IFT74: variants seen among roughly 807,000 people sequenced by gnomAD.
IFT74 encodes intraflagellar transport protein 74 homolog.
Under a neutral mutation model 96.7 loss-of-function variants are expected in IFT74, and 92 were observed. The observed-to-expected ratio is 0.95, with a 90% CI of 0.80 to 1.13. The LOEUF (loss-of-function observed/expected upper bound fraction) is 1.13. IFT74 is among the 50% of genes most tolerant of loss of function. IFT74 has a pLI of 0.00. For synonymous variants in IFT74, 223 were observed against 213.2 expected (o/e 1.05, Z -0.40); for missense variants, 811 against 698.2 (o/e 1.16, Z -1.82).
At chr9:26,982,413 AT>A in intron 4 of IFT74, 1 of 415,760 alleles carries the variant, frequency 2.4e-6, no homozygotes, top group South Asian at 1.7e-5. Flanking sequence ...AGTAGCTGGG[AT>A]TACGGGTGCC....
intron 8 of IFT74, among the ~76,000 whole-genome samples, chr9:26,996,029 T>G (rs922154492): frequency 6.6e-6 from 1 of 152,202 alleles, no homozygotes; most frequent in African/African-American, 2.4e-5. Flanking sequence ...TGTTTGCAAT[T>G]TTGTTACCCT....
intron 8 of IFT74, among the ~76,000 whole-genome samples, chr9:27,000,354 C>T (rs1338529752): frequency 1.3e-5 from 2 of 152,042 alleles, no homozygotes; most frequent in Non-Finnish European, 2.9e-5. Context: ...TATATTTATG[C>T]ATGTTTAAGT....
intron 12 of IFT74, among the ~76,000 whole-genome samples, chr9:27,025,220 G>A (rs532933027): frequency 8.6e-5 from 13 of 151,924 alleles, no homozygotes; most frequent in East Asian, 1.9e-4. Flanking sequence ...CGAGGTGGGC[G>A]GAACATGAGG....
At chr9:27,011,457 T>C (rs1191392339) in intron 9 of IFT74, among the ~76,000 whole-genome samples, 1 of 148,812 alleles carries the variant, frequency 6.7e-6, no homozygotes, top group East Asian at 1.9e-4. Context: ...GCATGTGTTA[T>C]ATGTGTGTGT....
intron 13 of IFT74, among the ~76,000 whole-genome samples, chr9:27,037,400 A>G (rs1018476419): frequency 3.3e-5 from 5 of 152,170 alleles, no homozygotes; most frequent in Non-Finnish European, 5.9e-5. Flanking sequence ...TAAGGATAGT[A>G]AGGGATGACT....
chr9:26,963,421 G>A (rs925720610), intron 2 of IFT74, among the ~76,000 whole-genome samples: 20 of 150,096 alleles, frequency 1.3e-4, no homozygotes, highest in South Asian at 4.3e-4. Flanking sequence ...ATAAACATAC[G>A]TGTGCATGTG....
chr9:26,997,786 G>A (rs776645748), intron 8 of IFT74: 1 of 1,613,932 alleles, frequency 6.2e-7, no homozygotes, highest in East Asian at 2.2e-5. Flanking sequence ...TGCAAGAGCA[G>A]TTCCATAGGT....
At chr9:27,018,045 G>A (rs539215858) in intron 11 of IFT74, among the ~76,000 whole-genome samples, 119 of 152,270 alleles carry the variant, frequency 7.8e-4, no homozygotes, top group African/African-American at 2.5e-3. Flanking sequence ...TCTAGAACCT[G>A]TGTAGTTCCT....
At chr9:26,984,105 G>A (rs1348551356) in intron 4 of IFT74, 152 bp from the exon 5 acceptor site, 1 of 592,632 alleles carries the variant, frequency 1.7e-6, no homozygotes, top group Non-Finnish European at 2.7e-6. Flanking sequence ...CATTCTTAAT[G>A]AAATAAGCCA....
At chr9:27,052,528 A>T (rs1372795588) in intron 16 of IFT74, among the ~76,000 whole-genome samples, 1 of 151,510 alleles carries the variant, frequency 6.6e-6, no homozygotes, top group Non-Finnish European at 1.5e-5. Flanking sequence ...AAAAAAAAAA[A>T]AAGTAGTCAT....
At chr9:27,059,991 A>G (rs1206603733) in intron 18 of IFT74, among the ~76,000 whole-genome samples, 1 of 152,232 alleles carries the variant, frequency 6.6e-6, no homozygotes, top group Non-Finnish European at 1.5e-5. Flanking sequence ...ATATAATTCT[A>G]TAACAGTAAA....
chr9:27,063,626 A>T lies in IFT74; in HGVS notation c.*890A>T, dbSNP rs1820520173. On this transcript the variant is annotated 3_prime_UTR_variant, in exon 20 of 20. Transcript: ENST00000380062. ...CCAGCATAAAATATTACTTAAAACTATCCTGTTTTTGCTCTGATATCATGT... is the reference window on the plus strand; with the variant it reads ...CCAGCATAAAATATTACTTAAAACTTTCCTGTTTTTGCTCTGATATCATGT... Among the ~76,000 whole-genome samples, 2 of 152,040 alleles carry T rather than the reference A, an allele frequency of 1.3e-5. No homozygotes were observed. Among genetic ancestry groups the T allele is most frequent in the Admixed American group, 1.3e-4 (2 of 15,266 alleles).
At chr9:27,052,905 C>T (rs1468571037) in intron 16 of IFT74, among the ~76,000 whole-genome samples, 1 of 152,186 alleles carries the variant, frequency 6.6e-6, no homozygotes, top group East Asian at 1.9e-4. Context: ...CACTGTCGCC[C>T]AGGCTGGAGT....
chr9:26,965,294 G>A (rs966165021), intron 2 of IFT74, among the ~76,000 whole-genome samples: 1 of 152,102 alleles, frequency 6.6e-6, no homozygotes, highest in Non-Finnish European at 1.5e-5. Context: ...GGTGCAGAGG[G>A]CCAATACTCA....
At position 27,062,667 on chromosome 9, in the gene IFT74, T is replaced by A; in HGVS notation, c.1734T>A (p.Asn578Lys). 2.5e-6 allele frequency: 4 copies of A among 1,610,314 alleles called. No individual in the cohort carries two copies. The highest frequency in any genetic ancestry group is 3.4e-6 in the Non-Finnish European group (4 of 1,178,338). ...GTGATTACCAGCCAATTAAGAAAAA[T>A]GTGACCAAGCAGATTGCAGAGTACA... ...QESDYQPIKK[N>K]VTKQIAEYNK... Residue 578 changes from asparagine to lysine, a missense_variant, in exon 20 of 20, where the codon AAT becomes AAA. Asn to Lys is a moderately conservative substitution (Grantham distance 94, BLOSUM62 0). Coordinates refer to ENST00000380062, the MANE Select transcript of IFT74 (RefSeq NM_025103.4).
In IFT74 at chr9:27,064,231, A is replaced by G. The variant is rs567458153; in HGVS notation, c.*1495A>G. Among the ~76,000 whole-genome samples, 2 of 152,202 alleles carry G rather than the reference A, an allele frequency of 1.3e-5. No individual in the cohort carries two copies. The highest frequency in any genetic ancestry group is 1.9e-4 in the East Asian group (1 of 5,178). ...ACACTAAAATAATTTCATCTACTCA[A>G]GTCCTCTGGGTGGCTCTATGGCCTT... On this transcript the variant is annotated 3_prime_UTR_variant, in exon 20 of 20. Transcript: ENST00000380062.
At chr9:27,036,592 G>T in intron 13 of IFT74, 1 of 1,576,790 alleles carries the variant, frequency 6.3e-7, no homozygotes, top group East Asian at 2.3e-5. Flanking sequence ...TTGTTTCACA[G>T]ATCTTCAGTC....
chr9:27,015,513 T>C (rs1052748247), intron 10 of IFT74, among the ~76,000 whole-genome samples: 2 of 152,108 alleles, frequency 1.3e-5, no homozygotes, highest in Admixed American at 1.3e-4. Flanking sequence ...GGCAGGCGCC[T>C]ATAATCCCAG....
intron 1 of IFT74, among the ~76,000 whole-genome samples, chr9:26,948,448 A>AATTTTT (rs1825819227): frequency 1.7e-5 from 1 of 59,162 alleles, no homozygotes; most frequent in Non-Finnish European, 3.8e-5. Context: ...GCTTTCCATT[A>AATTTTT]TTTTTTTTTT....
Sources: gnomAD v4.1 joint callset for allele counts (sites outside exome capture counted in the v4.1 genomes callset) on GRCh38, gnomAD v4.1.1 for gene constraint, MANE v1.5 for transcripts, NCBI Gene and HGNC (gene_info 2026-07-23, HGNC 2026-07-21) for gene names.